The following ASNSD1 variants were observed in gnomAD, a reference collection of about 807,000 sequenced individuals.
The protein encoded by ASNSD1 is asparagine synthetase domain-containing protein 1.
ASNSD1 carries 36 observed loss-of-function variants against 48.3 expected under a neutral mutation model. That is an observed-to-expected ratio of 0.75 (90% confidence interval 0.57 to 0.99). The LOEUF (loss-of-function observed/expected upper bound fraction) is 0.99. Among genes scored for constraint, ASNSD1 ranks in the 50% least tolerant of loss-of-function variants. The pLI, the probability that ASNSD1 is intolerant of heterozygous loss-of-function variation, is 0.00. For missense variants in ASNSD1, 714 were observed against 758.2 expected (o/e 0.94, Z 0.69); for synonymous variants, 257 against 262.1 (o/e 0.98, Z 0.19).
chr2:189,667,755 A>G lies in ASNSD1; in HGVS notation c.1465-9A>G. ...AACATTTTTATACGGATTTCTTTAA[A>G]CCTCATAGGTAGTTCTCACTGGAAT... On this transcript the variant is annotated splice_polypyrimidine_tract_variant and intron_variant, in intron 4 of 5. Transcript: ENST00000260952. The G allele has an allele frequency of 6.3e-7, 1 of 1,592,868 alleles. No homozygotes were observed. Among genetic ancestry groups the G allele is most frequent in the Non-Finnish European group, 8.5e-7 (1 of 1,173,144 alleles).
At chr2:189,669,770 G>A (rs1246265822) in intron 5 of ASNSD1, among the ~76,000 whole-genome samples, 2 of 151,852 alleles carry the variant, frequency 1.3e-5, no homozygotes, top group East Asian at 1.9e-4. Context: ...TTTTTTAATC[G>A]AATATTTTGT....
chr2:189,664,790 C>T (rs921707764), intron 2 of ASNSD1, among the ~76,000 whole-genome samples: 4 of 150,142 alleles, frequency 2.7e-5, no homozygotes, highest in Admixed American at 2.0e-4. Flanking sequence ...TACAGACTTT[C>T]TCTAGAGGGC....
chr2:189,670,316 G>A, intron 5 of ASNSD1, 125 bp from the exon 6 acceptor site: 1 of 662,022 alleles, frequency 1.5e-6, no homozygotes. Flanking sequence ...CTATTTTGTA[G>A]TATATGTATT....
chr2:189,667,101 A>C lies in ASNSD1; in HGVS notation c.969A>C (p.Ala323=), dbSNP rs758663376. ...CGTGTGATAGGAAAGCAAATGTTGC[A>C]ATCCTGTTTTCTGGGGGCATTGATT... ...LKTCDRKANV[A]ILFSGGIDSM... is the part of the protein sequence containing the mutation. The change falls in exon 4 of 6, where the codon GCA becomes GCC. Residue 323 remains alanine, a synonymous_variant. Transcript: ENST00000260952. 1.2e-6 allele frequency: 2 copies of C among 1,614,212 alleles called. No individual in the cohort carries two copies. The highest frequency in any genetic ancestry group is 1.7e-6 in the Non-Finnish European group (2 of 1,180,024).
rs776731930 is a variant in ASNSD1, at chr2:189,670,671, G to T, written c.1877G>T (p.Arg626Leu). 3 of 1,611,954 alleles carry T rather than the reference G, an allele frequency of 1.9e-6. No homozygotes were observed. The highest frequency in any genetic ancestry group is 2.5e-6 in the Non-Finnish European group (3 of 1,178,958). ...INEKASDKCG[R>L]LQIMSLENLS... ...GAAAAGGCATCTGATAAATGTGGAC[G>T]GCTCCAAATCATGTCCTTAGAAAAT... Residue 626 changes from arginine to leucine, a missense_variant, in exon 6 of 6, where the codon CGG (arginine) becomes CTG (leucine). Coordinates refer to ENST00000260952, the MANE Select transcript of ASNSD1 (RefSeq NM_019048.4).
In ASNSD1 at chr2:189,670,461, ATGT is replaced by A. The variant is rs2032901001; in HGVS notation, c.1671_1673del (p.Val558del). 2.5e-6 allele frequency: 4 copies of A among 1,609,962 alleles called. No individual in the cohort carries two copies. Among genetic ancestry groups the A allele is most frequent in the Non-Finnish European group, 2.5e-6 (3 of 1,177,876 alleles). The stretch of plus-strand genomic sequence containing the variant: ...TTTAGATTTCCTTTCCTGGATGAAA[ATGT>A]TGTCTCCTTTCTAAATTCTCTGCCG... On this transcript the variant is annotated inframe_deletion, in exon 6 of 6. Transcript: ENST00000260952.
intron 1 of ASNSD1, among the ~76,000 whole-genome samples, chr2:189,663,167 A>T (rs894052592): frequency 1.3e-5 from 2 of 151,568 alleles, no homozygotes; most frequent in Admixed American, 6.6e-5. Flanking sequence ...GCTTTTTTTT[A>T]AATCTAAATC....
In ASNSD1 at chr2:189,666,276, AT is replaced by A. The variant is rs768607199; in HGVS notation, c.148del (p.Ser50LeufsTer7). The A allele has an allele frequency of 6.2e-7, 1 of 1,614,076 alleles. No homozygotes were observed. The highest frequency in any genetic ancestry group is 2.2e-5 in the East Asian group (1 of 44,876). ...LKSDVNYQCLFSAHVLHLRGV... is the reference protein window; with the variant it reads ...LKSDVNYQCLXSAHVLHLRGV... ...AGTCTGATGTTAACTACCAGTGTTT[AT>A]TTTCTGCTCACGTCCTACACTTGAG... is the stretch of plus-strand genomic sequence containing the variant. On this transcript the variant is annotated frameshift_variant, in exon 4 of 6. Transcript: ENST00000260952. LOFTEE classifies it high-confidence loss of function.
At position 189,666,352 on chromosome 2, in the gene ASNSD1, C is replaced by T; in HGVS notation, c.220C>T (p.Leu74=). ...GGAAGATGAAAGAGGCAATGTGTTT[C>T]TATGGAATGGAGAAATTTTTAGTGG... ...PVEDERGNVF[L]WNGEIFSGIK... is the part of the protein sequence containing the mutation. Residue 74 remains leucine, a synonymous_variant, in exon 4 of 6, where the codon CTA becomes TTA. Transcript: ENST00000260952. The T allele has an allele frequency of 6.2e-7, 1 of 1,613,752 alleles. No homozygotes were observed. The highest frequency in any genetic ancestry group is 8.5e-7 in the Non-Finnish European group (1 of 1,179,812).
chr2:189,670,339 G>A (rs2032899223), intron 5 of ASNSD1, 102 bp from the exon 6 acceptor site: 5 of 927,098 alleles, frequency 5.4e-6, no homozygotes, highest in South Asian at 1.8e-5. Flanking sequence ...AATTAGTCAT[G>A]TTGTGAAACA....
At position 189,667,842 on chromosome 2, in the gene ASNSD1, C is replaced by T; in HGVS notation, c.1543C>T (p.Leu515=). 1 of 1,614,010 alleles carries T rather than the reference C, an allele frequency of 6.2e-7. No homozygotes were observed. The highest frequency in any genetic ancestry group is 8.5e-7 in the Non-Finnish European group (1 of 1,180,006). Residue 515 remains leucine (L), a synonymous_variant, in exon 5 of 6, where the codon CTG becomes TTG. Coordinates refer to ENST00000260952, the MANE Select transcript of ASNSD1 (RefSeq NM_019048.4). ...RHRVRFQSHG[L]EGLNKEIMME... The stretch of plus-strand genomic sequence containing the variant: ...TCGTGTCCGCTTTCAGTCGCATGGG[C>T]TGGAAGGATTGAATAAGGAAATAAT...
chr2:189,661,583 C>G lies in ASNSD1; in HGVS notation c.-250C>G, dbSNP rs540108534. The G allele has an allele frequency of 2.5e-6, 1 of 399,288 alleles. No homozygotes were observed. Among genetic ancestry groups the G allele is most frequent in the East Asian group, 3.6e-5 (1 of 28,074 alleles). The allele number at this position is 399,288 out of a possible 1,614,324, so 24.7% of individuals were successfully genotyped here. On this transcript the variant is annotated 5_prime_UTR_variant, in exon 1 of 6. Transcript: ENST00000260952. ...TGCTGATCCCCACCGACAATTCGAC[C>G]CCACACAAGGAGGATCTAAGCAGCA...
chr2:189,663,543 G>A (rs559028116), intron 1 of ASNSD1, among the ~76,000 whole-genome samples: 9 of 152,284 alleles, frequency 5.9e-5, no homozygotes, highest in African/African-American at 1.7e-4. Context: ...ATGAGCCACC[G>A]CACCCGGCCT....
At chr2:189,668,331 A>G (rs139193004) in intron 5 of ASNSD1, among the ~76,000 whole-genome samples, 2 of 135,580 alleles carry the variant, frequency 1.5e-5, no homozygotes, top group Non-Finnish European at 3.1e-5. Flanking sequence ...CCTGGTAAAC[A>G]TGATGAAACC....
In ASNSD1 at chr2:189,667,779, A is replaced by G. The variant is rs145021581; in HGVS notation, c.1480A>G (p.Ile494Val). 25 of 1,611,960 alleles carry G rather than the reference A, an allele frequency of 1.6e-5. No individual in the cohort carries two copies. Among genetic ancestry groups the G allele is most frequent in the Non-Finnish European group, 1.9e-5 (23 of 1,179,492 alleles). The change falls in exon 5 of 6, where the codon ATT becomes GTT. Residue 494 changes from isoleucine (I) to valine (V), a missense_variant. Coordinates refer to ENST00000260952, the MANE Select transcript of ASNSD1 (RefSeq NM_019048.4). ...AACCTCATAGGTAGTTCTCACTGGA[A>G]TTGGTGCAGATGAGCAACTTGCAGG... ...QSNAKVVLTG[I>V]GADEQLAGYS...
rs1328823188 is a variant in ASNSD1 at position 189,667,085 on chromosome 2, G to A, written c.953G>A (p.Arg318Lys). 1 of 1,614,020 alleles carries A rather than the reference G, an allele frequency of 6.2e-7. No individual in the cohort carries two copies. Among genetic ancestry groups the A allele is most frequent in the African/African-American group, 1.3e-5 (1 of 74,924 alleles). The change falls in exon 4 of 6, where the codon AGG (arginine) becomes AAG (lysine). Residue 318 changes from arginine (R) to lysine (K), a missense_variant. Physicochemically the swap from Arg to Lys is conservative, Grantham distance 26. Coordinates refer to ENST00000260952, the MANE Select transcript of ASNSD1 (RefSeq NM_019048.4). ...AATGAAGTTTTGAAAACGTGTGATA[G>A]GAAAGCAAATGTTGCAATCCTGTTT... ...TANEVLKTCD[R>K]KANVAILFSG...
In ASNSD1 at chr2:189,667,371, A is replaced by C. The variant is rs755538097; in HGVS notation, c.1239A>C (p.Leu413=). Residue 413 remains leucine (L), a synonymous_variant, in exon 4 of 6, where the codon CTA becomes CTC. Coordinates refer to ENST00000260952, the MANE Select transcript of ASNSD1 (RefSeq NM_019048.4). ...ATCGAATCACAGGAAGGGCGGGACT[A>C]AAGGAACTACAAGCTGTTAGCCCTT... ...VPDRITGRAG[L]KELQAVSPSR... The C allele has an allele frequency of 6.2e-7, 1 of 1,614,220 alleles. No homozygotes were observed. Among genetic ancestry groups the C allele is most frequent in the Non-Finnish European group, 8.5e-7 (1 of 1,180,032 alleles).
rs959291123 is a variant in ASNSD1 at position 189,667,336 on chromosome 2, A to G, written c.1204A>G (p.Ser402Gly). 6.2e-7 allele frequency: 1 copy of G among 1,614,204 alleles called. No homozygotes were observed. The highest frequency in any genetic ancestry group is 8.5e-7 in the Non-Finnish European group (1 of 1,180,024). ...AAADSPNKHVSVPDRITGRAG... is the reference protein window; with the variant it reads ...AAADSPNKHVGVPDRITGRAG... ...TGCTGACAGTCCTAATAAACATGTCAGTGTACCAGATCGAATCACAGGAAG... is the reference window on the plus strand; with the variant it reads ...TGCTGACAGTCCTAATAAACATGTCGGTGTACCAGATCGAATCACAGGAAG... The change falls in exon 4 of 6, where the codon AGT becomes GGT. Residue 402 changes from serine to glycine, a missense_variant. Ser to Gly is a moderately conservative substitution (Grantham distance 56). Coordinates refer to ENST00000260952, the MANE Select transcript of ASNSD1 (RefSeq NM_019048.4).
Position 189,667,154 on chromosome 2 carries a change from G to A in ASNSD1, c.1022G>A (p.Arg341His), listed in dbSNP as rs771672070. ...ATGGTTATTGCAACCCTTGCTGACC[G>A]TCATATTCCTTTAGATGAACCAATT... ...DSMVIATLAD[R>H]HIPLDEPIDL... is the part of the protein sequence containing the mutation. Residue 341 changes from arginine (R) to histidine (H), a missense_variant, in exon 4 of 6, where the codon CGT becomes CAT. Physicochemically the swap from Arg to His is conservative, Grantham distance 29 (BLOSUM62 0). Transcript: ENST00000260952. 20 of 1,614,052 alleles carry A rather than the reference G, an allele frequency of 1.2e-5. No homozygotes were observed. Among genetic ancestry groups the A allele is most frequent in the Admixed American group, 6.7e-5 (4 of 60,002 alleles).
Sources: gnomAD v4.1 joint callset for allele counts (sites outside exome capture counted in the v4.1 genomes callset) on GRCh38, gnomAD v4.1.1 for gene constraint, MANE v1.5 for transcripts, NCBI Gene and HGNC (gene_info 2026-07-23, HGNC 2026-07-21) for gene names.